The following ETFA variants were observed in gnomAD, a reference collection of about 807,000 sequenced individuals.
ETFA encodes the protein electron transfer flavoprotein subunit alpha.
Under a neutral mutation model 46.2 loss-of-function variants are expected in ETFA, and 22 were observed. That is an observed-to-expected ratio of 0.48 (90% confidence interval 0.34 to 0.68). ETFA has a LOEUF of 0.68. Among genes scored for constraint, ETFA ranks in the 30% least tolerant of loss-of-function variants. The probability of loss-of-function intolerance (pLI) is 0.01; values close to 1 mark genes in which losing one functional copy is unlikely to be tolerated. For missense variants in ETFA, 345 were observed against 401.1 expected (o/e 0.86, Z 1.19); for synonymous variants, 131 against 139.9 (o/e 0.94, Z 0.45).
intron 4 of ETFA, among the ~76,000 whole-genome samples, chr15:76,291,446 G>GAGA (rs1555459012): frequency 1.1e-4 from 10 of 93,426 alleles, no homozygotes; most frequent in African/African-American, 4.1e-4. Context: ...ACTCCATCTC[G>GAGA]AAAAAAAAAA....
At chr15:76,296,337 C>G (rs986752073) in intron 1 of ETFA, among the ~76,000 whole-genome samples, 2 of 152,260 alleles carry the variant, frequency 1.3e-5, no homozygotes, top group Admixed American at 1.3e-4. Context: ...AACTTTCCCA[C>G]TAATCTACAT....
chr15:76,220,288 G>A (rs150936717), intron 11 of ETFA, among the ~76,000 whole-genome samples: 263 of 152,280 alleles, frequency 1.7e-3, no homozygotes, highest in Middle Eastern at 0.01. Flanking sequence ...GGCTGGTCTC[G>A]AACTCGTGAC....
In ETFA at chr15:76,262,474, C is replaced by CTTTT. The variant is rs60480510; in HGVS notation, c.816+11934_816+11937dup. Among the ~76,000 whole-genome samples, 241 of 84,728 alleles carry CTTTT rather than the reference C, an allele frequency of 2.8e-3. 16 individuals carry two copies. The highest frequency in any genetic ancestry group is 3.4e-3 in the Non-Finnish European group (156 of 46,412). The allele number at this position is 84,728 out of a possible 152,430, so 55.6% of individuals were successfully genotyped here. On this transcript the variant is annotated intron_variant, in intron 9 of 11. Transcript: ENST00000557943. ...CCTAGGTATACCATAATCAAACCCCCTTTTTTTTTTTTTTTTTTTTTTTTT... is the reference window on the plus strand; with the variant it reads ...CCTAGGTATACCATAATCAAACCCCCTTTTTTTTTTTTTTTTTTTTTTTTTTTTT...
intron 9 of ETFA, among the ~76,000 whole-genome samples, chr15:76,241,876 C>T (rs1488806817): frequency 9.5e-5 from 1 of 10,512 alleles, no homozygotes; most frequent in African/African-American, 1.1e-4. Flanking sequence ...CTCGCTCTGT[C>T]GCCAGGCTGG....
intron 9 of ETFA, chr15:76,260,701 A>T (rs2039401163): frequency 1.9e-6 from 3 of 1,604,390 alleles, no homozygotes; most frequent in Non-Finnish European, 2.6e-6. Context: ...ATGAGGCCTG[A>T]ATCTGTGTGG....
intron 9 of ETFA, among the ~76,000 whole-genome samples, chr15:76,258,649 C>T (rs1459996395): frequency 1.3e-5 from 2 of 152,220 alleles, no homozygotes; most frequent in African/African-American, 4.8e-5. Context: ...GTAGAGCCTA[C>T]AGGGCTGGAC....
At chr15:76,259,358 C>A (rs1362903390) in intron 9 of ETFA, 3 of 1,588,980 alleles carry the variant, frequency 1.9e-6, no homozygotes, top group South Asian at 1.1e-5. Flanking sequence ...CACTCCAGCA[C>A]TGGTACATGA....
rs930199623 is a variant in ETFA, at chr15:76,287,849, C to A, written c.448G>T (p.Ala150Ser). 6.3e-7 allele frequency: 1 copy of A among 1,595,120 alleles called. No homozygotes were observed. The highest frequency in any genetic ancestry group is 8.6e-7 in the Non-Finnish European group (1 of 1,162,668). The change falls in exon 5 of 12, where the codon GCA (alanine) becomes TCA (serine). Residue 150 changes from alanine (A) to serine (S), a missense_variant. Physicochemically the swap from Ala to Ser is moderately conservative, Grantham distance 99 (BLOSUM62 1). Transcript: ENST00000557943. ...SPDTFVRTIYAGNALCTVKCD... is the reference protein window; with the variant it reads ...SPDTFVRTIYSGNALCTVKCD... ...ATTATCTTCCTTGAGTACTCACCTGCATAAATAGTTCTCACAAATGTGTCA... is the reference window on the plus strand; with the variant it reads ...ATTATCTTCCTTGAGTACTCACCTGAATAAATAGTTCTCACAAATGTGTCA...
chr15:76,232,928 A>G (rs2039084333), intron 9 of ETFA, among the ~76,000 whole-genome samples: 2 of 152,242 alleles, frequency 1.3e-5, no homozygotes, highest in African/African-American at 2.4e-5. Flanking sequence ...TTACAAGCAT[A>G]AAGTGTCCAA....
At chr15:76,253,658 AATT>A (rs1234843275) in intron 9 of ETFA, among the ~76,000 whole-genome samples, 1 of 152,212 alleles carries the variant, frequency 6.6e-6, no homozygotes, top group African/African-American at 2.4e-5. Flanking sequence ...AGAAATACTG[AATT>A]ATTCCTAGAC....
intron 9 of ETFA, chr15:76,261,007 T>C (rs1393348443): frequency 3.7e-6 from 6 of 1,609,852 alleles, no homozygotes; most frequent in Middle Eastern, 1.8e-4. Flanking sequence ...GAAAGCTTTG[T>C]CACGGTGATG....
chr15:76,262,339 T>C (rs925343022), intron 9 of ETFA, among the ~76,000 whole-genome samples: 1 of 150,552 alleles, frequency 6.6e-6, no homozygotes, highest in Admixed American at 6.6e-5. Context: ...GAAAAAAAAA[T>C]GAAGCAGAAA....
chr15:76,257,481 C>T lies in ETFA; in HGVS notation c.816+16931G>A, dbSNP rs189345672. Among the ~76,000 whole-genome samples the T allele has an allele frequency of 5.2e-3, 795 of 152,270 alleles. 8 individuals carry two copies. The highest frequency in any genetic ancestry group is 0.018 in the African/African-American group (735 of 41,530). ...AACCACAATGAGATACCACCTCACA[C>T]CAGTTAGAATGGCAATCATTAAAAA... On this transcript the variant is annotated intron_variant, in intron 9 of 11. Coordinates refer to ENST00000557943, the MANE Select transcript of ETFA (RefSeq NM_000126.4).
chr15:76,234,131 T>G (rs2141466697), intron 9 of ETFA, among the ~76,000 whole-genome samples: 1 of 152,206 alleles, frequency 6.6e-6, no homozygotes, highest in South Asian at 2.1e-4. Flanking sequence ...TCCAAATGGA[T>G]CCACATGACC....
At chr15:76,260,473 A>G in intron 9 of ETFA, 1 of 1,560,536 alleles carries the variant, frequency 6.4e-7, no homozygotes, top group South Asian at 1.1e-5. Flanking sequence ...TCATGAGAAG[A>G]GACCACCAGT....
At chr15:76,288,337 T>C (rs1215750760) in intron 4 of ETFA, among the ~76,000 whole-genome samples, 5 of 152,180 alleles carry the variant, frequency 3.3e-5, no homozygotes. Context: ...AGATTATGCT[T>C]GTATACATTT....
chr15:76,272,469 C>A (rs917083818), intron 9 of ETFA, among the ~76,000 whole-genome samples: 1 of 152,098 alleles, frequency 6.6e-6, no homozygotes, highest in Non-Finnish European at 1.5e-5. Context: ...ATCCAACTGC[C>A]TCAGCCTCCC....
chr15:76,262,474 CT>C (rs60480510), intron 9 of ETFA, among the ~76,000 whole-genome samples: 1,527 of 84,688 alleles, frequency 0.018, 28 homozygotes, highest in African/African-American at 0.062. Flanking sequence ...ATCAAACCCC[CT>C]TTTTTTTTTT....
chr15:76,217,382 A>G (rs1049457269), intron 11 of ETFA, among the ~76,000 whole-genome samples: 3 of 152,188 alleles, frequency 2.0e-5, no homozygotes, highest in African/African-American at 4.8e-5. Context: ...TTTCACAAAC[A>G]TATTGGTTGC....
Sources: gnomAD v4.1 joint callset for allele counts (sites outside exome capture counted in the v4.1 genomes callset) on GRCh38, gnomAD v4.1.1 for gene constraint, MANE v1.5 for transcripts, NCBI Gene and HGNC (gene_info 2026-07-23, HGNC 2026-07-21) for gene names.